Variants in IMPG1 observed in about 807,000 individuals in gnomAD.
IMPG1 encodes the protein interphotoreceptor matrix proteoglycan of 150 kDa.
In IMPG1, 85 loss-of-function variants were observed where a neutral mutation model predicts 92.0. The ratio of observed to expected loss-of-function variants is 0.92; its 90% CI spans 0.78 to 1.11. The LOEUF (loss-of-function observed/expected upper bound fraction) is 1.11, where lower values mean the gene tolerates loss of function less well. IMPG1 is among the 50% of genes least tolerant of loss of function. The probability of loss-of-function intolerance (pLI) is 0.00; values close to 1 mark genes in which losing one functional copy is unlikely to be tolerated. For missense variants in IMPG1, 1,022 were observed against 956.0 expected (o/e 1.07, Z -0.91); for synonymous variants, 367 against 334.1 (o/e 1.10, Z -1.08).
At chr6:76,053,119 A>G (rs1337235470) in intron 1 of IMPG1, among the ~76,000 whole-genome samples, 2 of 152,128 alleles carry the variant, frequency 1.3e-5, no homozygotes, top group African/African-American at 2.4e-5. Flanking sequence ...CTGCCTCCCA[A>G]TTCTTAATTA....
intron 6 of IMPG1, among the ~76,000 whole-genome samples, chr6:76,021,777 G>A (rs184409848): frequency 7.4e-3 from 16 of 2,160 alleles, no homozygotes; most frequent in African/African-American, 0.022. Flanking sequence ...CACTTGGAGA[G>A]CATATATATA....
At chr6:76,015,800 C>CAAAAAAAAAAAAAAAAAAAAA (rs35389302) in intron 7 of IMPG1, among the ~76,000 whole-genome samples, 4 of 66,738 alleles carry the variant, frequency 6.0e-5, no homozygotes, top group Non-Finnish European at 1.1e-4. Context: ...AACTCTGTCT[C>CAAAAAAAAAAAAAAAAAAAAA]AAAAAAAAAA....
chr6:75,960,699 C>T (rs1258379111), intron 12 of IMPG1, among the ~76,000 whole-genome samples: 1 of 152,126 alleles, frequency 6.6e-6, no homozygotes, highest in African/African-American at 2.4e-5. Context: ...ATGTTTTCAT[C>T]TAATTCATAT....
At chr6:75,992,329 A>T (rs548484688) in intron 12 of IMPG1, among the ~76,000 whole-genome samples, 4 of 152,134 alleles carry the variant, frequency 2.6e-5, no homozygotes, top group Non-Finnish European at 5.9e-5. Context: ...ATTGTGTTCC[A>T]TTCCAGCATG....
chr6:75,944,226 C>G (rs141000585), intron 14 of IMPG1, among the ~76,000 whole-genome samples: 9 of 152,318 alleles, frequency 5.9e-5, no homozygotes, highest in African/African-American at 2.2e-4. Flanking sequence ...CCCCTCTATT[C>G]CTTGCCTGCT....
chr6:75,989,119 C>T lies in IMPG1; in HGVS notation c.1291+13799G>A, dbSNP rs567417940. On this transcript the variant is annotated intron_variant, in intron 12 of 16. Transcript: ENST00000369950. ...TTTTTCCTTTTTAGAAACAAGGTCT[C>T]ACACTGTTGCCCAGGCTGGAGTGCA... Among the ~76,000 whole-genome samples, 3 of 152,270 alleles carry T rather than the reference C, an allele frequency of 2.0e-5. No homozygotes were observed. In the South Asian group the frequency reaches 6.2e-4, roughly 32 times the overall value.
Position 76,022,162 on chromosome 6 carries a change from T to C in IMPG1, c.620A>G (p.Asn207Ser), listed in dbSNP as rs904187451. 3 of 1,598,588 alleles carry C rather than the reference T, an allele frequency of 1.9e-6. No homozygotes were observed. The highest frequency in any genetic ancestry group is 1.1e-5 in the South Asian group (1 of 90,802). ...GTTGAGTGTATTATCGAGAATTTCA[T>C]TGAGGAGGGTGTCATCAGGAGTGAG... ...FPLTPDDTLLNEILDNTLNDT... is the reference protein window; with the variant it reads ...FPLTPDDTLLSEILDNTLNDT... The change falls in exon 6 of 17, where the codon AAT becomes AGT. Residue 207 changes from asparagine (N) to serine (S), a missense_variant. Asn to Ser is a conservative substitution (Grantham distance 46). Around this residue, in one of 3 missense-constraint regions of IMPG1, gnomAD observed 681 missense variants for 583.6 expected, o/e 1.17. Transcript: ENST00000369950.
chr6:76,068,728 G>T (rs896202072), intron 1 of IMPG1, among the ~76,000 whole-genome samples: 1 of 151,720 alleles, frequency 6.6e-6, no homozygotes, highest in South Asian at 2.1e-4. Context: ...TGTTGGCCAG[G>T]CTGGTCTTGA....
At chr6:76,039,885 G>A (rs1293738197) in intron 2 of IMPG1, among the ~76,000 whole-genome samples, 5 of 152,196 alleles carry the variant, frequency 3.3e-5, no homozygotes, top group African/African-American at 4.8e-5. Flanking sequence ...ATTTCACTGC[G>A]TTGCTTTTAA....
intron 12 of IMPG1, among the ~76,000 whole-genome samples, chr6:75,998,812 C>G (rs190155390): frequency 6.6e-6 from 1 of 152,172 alleles, no homozygotes; most frequent in East Asian, 1.9e-4. Flanking sequence ...GTGTGGAGGA[C>G]AGAATATCAA....
At chr6:75,969,325 G>T (rs1340263187) in intron 12 of IMPG1, among the ~76,000 whole-genome samples, 2 of 152,146 alleles carry the variant, frequency 1.3e-5, no homozygotes, top group African/African-American at 4.8e-5. Context: ...CACAAAAAAT[G>T]GCAAGTATGT....
At chr6:75,966,414 G>A (rs1782308490) in intron 12 of IMPG1, among the ~76,000 whole-genome samples, 1 of 152,140 alleles carries the variant, frequency 6.6e-6, no homozygotes, top group South Asian at 2.1e-4. Context: ...TTAATGCCAT[G>A]ATCATGCAAT....
At chr6:75,969,028 A>G (rs902325988) in intron 12 of IMPG1, among the ~76,000 whole-genome samples, 1 of 152,208 alleles carries the variant, frequency 6.6e-6, no homozygotes, top group Non-Finnish European at 1.5e-5. Context: ...ACATGAATGA[A>G]CCTGTTCAGT....
chr6:75,987,217 A>T (rs1782731078), intron 12 of IMPG1, among the ~76,000 whole-genome samples: 1 of 152,104 alleles, frequency 6.6e-6, no homozygotes, highest in South Asian at 2.1e-4. Flanking sequence ...GCTGAAATTC[A>T]GCCAAGGCCT....
At chr6:76,047,270 C>T (rs761421354) in intron 1 of IMPG1, among the ~76,000 whole-genome samples, 1 of 152,310 alleles carries the variant, frequency 6.6e-6, no homozygotes, top group South Asian at 2.1e-4. Flanking sequence ...TCTCTTCCTT[C>T]TCTGTTGTTT....
At chr6:76,071,028 CT>C in intron 1 of IMPG1, among the ~76,000 whole-genome samples, 1 of 151,324 alleles carries the variant, frequency 6.6e-6, no homozygotes, top group Non-Finnish European at 1.5e-5. Flanking sequence ...ACATTGTTTC[CT>C]AGAAGTAAGC....
intron 14 of IMPG1, among the ~76,000 whole-genome samples, chr6:75,933,594 G>T (rs1446391867): frequency 1.3e-5 from 2 of 152,102 alleles, no homozygotes; most frequent in Admixed American, 1.3e-4. Context: ...GTGGCTGCTC[G>T]TTAGCAGTTG....
intron 12 of IMPG1, among the ~76,000 whole-genome samples, chr6:75,965,423 T>G (rs2149463384): frequency 6.6e-6 from 1 of 151,838 alleles, no homozygotes; most frequent in South Asian, 2.1e-4. Context: ...CTCATCGCGG[T>G]TTTAATTTGG....
At chr6:75,925,308 T>C (rs1781532253) in intron 15 of IMPG1, among the ~76,000 whole-genome samples, 2 of 152,158 alleles carry the variant, frequency 1.3e-5, no homozygotes, top group African/African-American at 4.8e-5. Context: ...TAATTTCTGT[T>C]GATAGTGTAT....
Sources: allele counts gnomAD v4.1 joint callset (sites outside exome capture counted in the v4.1 genomes callset), GRCh38; gene constraint gnomAD v4.1.1; regional missense constraint gnomAD v4.1.1; transcripts MANE v1.5; gene names NCBI Gene and HGNC (gene_info 2026-07-23, HGNC 2026-07-21).